ELMO2: variants seen among roughly 807,000 people sequenced by gnomAD.
The protein encoded by ELMO2 is engulfment and cell motility protein 2.
A neutral mutation model predicts 96.2 loss-of-function variants in ELMO2; 37 were observed. The ratio of observed to expected loss-of-function variants is 0.38; its 90% CI spans 0.30 to 0.51. The LOEUF (loss-of-function observed/expected upper bound fraction) is 0.51, where lower values mean the gene tolerates loss of function less well. ELMO2 is among the 20% of genes least tolerant of loss of function. The pLI, the probability that ELMO2 is intolerant of heterozygous loss-of-function variation, is 0.88. For missense variants in ELMO2, 561 were observed against 912.6 expected (o/e 0.61, Z 4.96); for synonymous variants, 315 against 329.4 (o/e 0.96, Z 0.47).
chr20:46,401,152 G>A (rs1240617638), intron 1 of ELMO2, among the ~76,000 whole-genome samples: 1 of 152,156 alleles, frequency 6.6e-6, no homozygotes, highest in Non-Finnish European at 1.5e-5. Context: ...TTGGAGTCAC[G>A]CCCTTTCTAA....
At chr20:46,404,926 T>C (rs565354150) in intron 1 of ELMO2, among the ~76,000 whole-genome samples, 18 of 152,232 alleles carry the variant, frequency 1.2e-4, no homozygotes, top group Non-Finnish European at 2.4e-4. Flanking sequence ...AGCATCACTC[T>C]AGCATAGAGC....
chr20:46,377,573 C>CAAA (rs1199508777), intron 11 of ELMO2, among the ~76,000 whole-genome samples: 28 of 152,330 alleles, frequency 1.8e-4, no homozygotes, highest in African/African-American at 6.0e-4. Flanking sequence ...AAATTAGGTC[C>CAAA]TCAGCCACAA....
At chr20:46,392,251 G>C (rs1476503874) in intron 6 of ELMO2, among the ~76,000 whole-genome samples, 1 of 151,948 alleles carries the variant, frequency 6.6e-6, no homozygotes, top group Non-Finnish European at 1.5e-5. Flanking sequence ...TGCTTCCTTA[G>C]TGACCTTTAA....
intron 11 of ELMO2, chr20:46,379,910 T>G (rs1248514051): frequency 5.1e-6 from 1 of 197,480 alleles, no homozygotes; most frequent in Non-Finnish European, 1.1e-5. Context: ...ACAATTCAGA[T>G]TTTTAATCAG....
At chr20:46,406,217 C>T (rs2060439675) in intron 1 of ELMO2, among the ~76,000 whole-genome samples, 1 of 151,856 alleles carries the variant, frequency 6.6e-6, no homozygotes. Context: ...CCCCGATCTT[C>T]CCACCCAACG....
chr20:46,377,066 A>G, intron 11 of ELMO2: 2 of 271,744 alleles, frequency 7.4e-6, no homozygotes, highest in Non-Finnish European at 1.4e-5. Flanking sequence ...GTATCTTTTT[A>G]AAGCTCCTTC....
intron 2 of ELMO2, among the ~76,000 whole-genome samples, chr20:46,398,394 CCT>C (rs1344648099): frequency 6.6e-6 from 1 of 152,090 alleles, no homozygotes; most frequent in African/African-American, 2.4e-5. Context: ...CTCACTTCAA[CCT>C]CTGTCTCCTG....
chr20:46,399,821 C>G (rs770889225), intron 1 of ELMO2, among the ~76,000 whole-genome samples: 6 of 152,292 alleles, frequency 3.9e-5, no homozygotes, highest in Middle Eastern at 3.4e-3. Context: ...GTCTGGTGTT[C>G]CCTCTGCGTC....
rs201990540 is a variant in ELMO2 at position 46,386,165 on chromosome 20, G to A, written c.636C>T (p.Ala212=). The change falls in exon 9 of 22, where the codon GCC becomes GCT. Residue 212 remains alanine, a synonymous_variant. Coordinates refer to ENST00000290246, the MANE Select transcript of ELMO2 (RefSeq NM_133171.5). The part of the protein sequence containing the change: ...LNSQSLYQKI[A]EEITVGQLIS... The stretch of plus-strand genomic sequence containing the variant: ...TGAGCTGTCCCACGGTGATTTCCTC[G>A]GCTATCTTCTGGTACAGACTCTGGC... 119 of 1,614,086 alleles carry A rather than the reference G, an allele frequency of 7.4e-5. No homozygotes were observed. Among genetic ancestry groups the A allele is most frequent in the African/African-American group, 2.5e-4 (19 of 75,018 alleles).
At chr20:46,368,247 TTCCCAGTGATGGCTCTCAGAGC>T (rs2059625086) in intron 21 of ELMO2, among the ~76,000 whole-genome samples, 3 of 152,086 alleles carry the variant, frequency 2.0e-5, no homozygotes, top group Admixed American at 2.0e-4. Context: ...CCACCTCTAG[TTCCCAGTGATGGCTCTCAGAGC>T]TCACCAGGCA....
At position 46,367,151 on chromosome 20, in the gene ELMO2, C is replaced by T. The variant is rs2059599326; in HGVS notation, c.*209G>A. On this transcript the variant is annotated 3_prime_UTR_variant, in exon 22 of 22. Transcript: ENST00000290246. ...CCAGGCTTCATGGTGATGGAGTGGG[C>T]AGAGCACCCTGCCTTCATGACTCTT... is the stretch of plus-strand genomic sequence containing the variant. 7 of 455,870 alleles carry T rather than the reference C, an allele frequency of 1.5e-5. No homozygotes were observed. The South Asian group carries it at 3.3e-4, about 21-fold the overall frequency. The allele number at this position is 455,870 out of a possible 1,614,324, so 28.2% of individuals were successfully genotyped here. A position where few individuals can be genotyped will look rare whatever the true frequency, so the allele number is the denominator to read the frequency against.
intron 11 of ELMO2, chr20:46,376,775 C>T (rs1345941516): frequency 2.3e-6 from 3 of 1,289,290 alleles, no homozygotes; most frequent in Non-Finnish European, 3.0e-6. Context: ...ACATGTACCA[C>T]CACTATGTCC....
chr20:46,393,159 TA>T lies in ELMO2; in HGVS notation c.193-17del. ...CACTGCGAGTCTGGGTAGTGAAAAA[TA>T]AACAAAAAAAGTAACTAAGATAAAA... On this transcript the variant is annotated splice_polypyrimidine_tract_variant and intron_variant, in intron 5 of 21. Coordinates refer to ENST00000290246, the MANE Select transcript of ELMO2 (RefSeq NM_133171.5). 1 of 1,612,564 alleles carries T rather than the reference TA, an allele frequency of 6.2e-7. No homozygotes were observed. The highest frequency in any genetic ancestry group is 8.5e-7 in the Non-Finnish European group (1 of 1,179,150).
chr20:46,393,024 C>A, intron 6 of ELMO2, 69 bp downstream of exon 6: 1 of 1,359,144 alleles, frequency 7.4e-7, no homozygotes, highest in South Asian at 1.2e-5. Context: ...AGAACAGAGT[C>A]TGGCCCATGG....
At chr20:46,398,528 G>A (rs1308201418) in intron 2 of ELMO2, among the ~76,000 whole-genome samples, 169 bp downstream of exon 2, 1 of 152,064 alleles carries the variant, frequency 6.6e-6, no homozygotes, top group Non-Finnish European at 1.5e-5. Flanking sequence ...GGCCAGGCTG[G>A]TCTTGAACTC....
chr20:46,376,758 AT>A, intron 11 of ELMO2: 1 of 1,289,120 alleles, frequency 7.8e-7, no homozygotes, highest in East Asian at 5.6e-5. Flanking sequence ...GCTCTCCTCC[AT>A]TTTCCACATG....
rs1341075162 is a variant in ELMO2 at position 46,366,547 on chromosome 20, G to C, written c.*813C>G. 6.6e-6 allele frequency: 1 copy of C among 152,560 alleles called. No homozygotes were observed. The highest frequency in any genetic ancestry group is 1.5e-5 in the Non-Finnish European group (1 of 68,172). The allele number at this position is 152,560 out of a possible 1,614,324, so 9.5% of individuals were successfully genotyped here. ...GGAGGGGGCTGCAATTCAGGTTAGGGGAGATTTCTCTCTGAGGAAGGAAAA... is the reference window on the plus strand; with the variant it reads ...GGAGGGGGCTGCAATTCAGGTTAGGCGAGATTTCTCTCTGAGGAAGGAAAA... On this transcript the variant is annotated 3_prime_UTR_variant, in exon 22 of 22. Transcript: ENST00000290246.
intron 20 of ELMO2, chr20:46,369,961 G>GGT (rs200632114): frequency 0.024 from 1,206 of 50,218 alleles, 15 homozygotes; most frequent in African/African-American, 0.065. Flanking sequence ...TGGGTATGGG[G>GGT]GTGTGTGTGT....
chr20:46,368,962 A>G lies in ELMO2; in HGVS notation c.1891T>C (p.Leu631=). 1 of 1,614,136 alleles carries G rather than the reference A, an allele frequency of 6.2e-7. No homozygotes were observed. The highest frequency in any genetic ancestry group is 8.5e-7 in the Non-Finnish European group (1 of 1,179,994). ...TACAGGATGGAGAAGGCCAATTCCAACACCTCCTGAAGGAGAAAGGGTTTA... is the reference window on the plus strand; with the variant it reads ...TACAGGATGGAGAAGGCCAATTCCAGCACCTCCTGAAGGAGAAAGGGTTTA... ...KSALKQNKEV[L]ELAFSILYDP... Residue 631 remains leucine, a synonymous_variant, in exon 21 of 22, where the codon TTG becomes CTG. Coordinates refer to ENST00000290246, the MANE Select transcript of ELMO2 (RefSeq NM_133171.5).
Sources: allele counts gnomAD v4.1 joint callset (sites outside exome capture counted in the v4.1 genomes callset), GRCh38; gene constraint gnomAD v4.1.1; transcripts MANE v1.5; gene names NCBI Gene and HGNC (gene_info 2026-07-23, HGNC 2026-07-21).